The following DNAH6 variants were observed in gnomAD, a reference collection of about 807,000 sequenced individuals.
DNAH6 encodes dynein axonemal heavy chain 6, also known as axonemal beta dynein heavy chain 6.
A neutral mutation model predicts 491.4 loss-of-function variants in DNAH6; 340 were observed. The ratio of observed to expected loss-of-function variants is 0.69; its 90% CI spans 0.63 to 0.76. The LOEUF is 0.76. Ranked by LOEUF, DNAH6 falls within the 30% of genes least tolerant of loss-of-function variation. The pLI is 0.00. For synonymous variants in DNAH6, 1,603 were observed against 1,686.1 expected, an observed-to-expected ratio of 0.95 and a Z score of 1.21; for missense variants, 4,443 against 4,972.2, an observed-to-expected ratio of 0.89 and a Z score of 3.20.
intron 64 of DNAH6, among the ~76,000 whole-genome samples, chr2:84,767,655 T>C (rs899250337): frequency 2.0e-5 from 3 of 151,872 alleles, no homozygotes; most frequent in African/African-American, 7.3e-5. Flanking sequence ...ATAGAAAAGA[T>C]GGAAGAGAAG....
At position 84,517,965 on chromosome 2, in the gene DNAH6, G is replaced by T; in HGVS notation, c.139G>T (p.Asp47Tyr). 1.9e-6 allele frequency: 3 copies of T among 1,551,046 alleles called. No individual in the cohort carries two copies. Among genetic ancestry groups the T allele is most frequent in the Non-Finnish European group, 2.6e-6 (3 of 1,146,546 alleles). ...TGTGACATCCACAGAAAATGAATCT[G>T]ATACACAAATCCTAACGTTTAGGCA... ...SYVTSTENES[D>Y]TQILTFRHIT... Residue 47 changes from aspartate to tyrosine, a missense_variant, in exon 2 of 77, where the codon GAT becomes TAT. Transcript: ENST00000389394.
intron 11 of DNAH6, among the ~76,000 whole-genome samples, chr2:84,560,454 CT>C (rs201362465): frequency 0.053 from 6,881 of 130,932 alleles, 248 homozygotes; most frequent in Middle Eastern, 0.11. Context: ...TTTTTTTTTT[CT>C]TTTTTTTTTT....
intron 32 of DNAH6, 119 bp downstream of exon 32, chr2:84,640,697 T>C (rs1179625579): frequency 7.1e-6 from 7 of 987,540 alleles, no homozygotes; most frequent in Non-Finnish European, 1.0e-5. Flanking sequence ...CTGCTGCTGT[T>C]GTCATCATTC....
At chr2:84,736,517 C>T (rs373735407) in intron 62 of DNAH6, among the ~76,000 whole-genome samples, 26 of 152,102 alleles carry the variant, frequency 1.7e-4, no homozygotes, top group South Asian at 4.2e-4. Context: ...TCCTTTCTTT[C>T]GGCAATGTTT....
At chr2:84,769,023 G>A (rs1165733282) in intron 64 of DNAH6, among the ~76,000 whole-genome samples, 1 of 152,220 alleles carries the variant, frequency 6.6e-6, no homozygotes, top group African/African-American at 2.4e-5. Context: ...AACTCTACTT[G>A]TTATATAACC....
rs202006615 is a variant in DNAH6, at chr2:84,706,843, C to A, written c.8728-53C>A. 24 of 1,504,132 alleles carry A rather than the reference C, an allele frequency of 1.6e-5. No individual in the cohort carries two copies. The Middle Eastern group carries it at 1.1e-3, about 68-fold the overall frequency. 93.2% of individuals were successfully genotyped at this position (1,504,132 alleles called of 1,614,324 possible). A position where few individuals can be genotyped will look rare whatever the true frequency, so the allele number is the denominator to read the frequency against. The stretch of plus-strand genomic sequence containing the variant: ...TTTTTAGATCTGTATTATTAATGGG[C>A]AAATTCAGCCTTTTTTTGGCCCTGT... On this transcript the variant is annotated intron_variant, in intron 52 of 76. Transcript: ENST00000389394.
At chr2:84,599,029 CAAAAAAAAAA>C (rs35322585) in intron 18 of DNAH6, among the ~76,000 whole-genome samples, 3 of 118,244 alleles carry the variant, frequency 2.5e-5, no homozygotes, top group African/African-American at 3.1e-5. Flanking sequence ...GACTCAGTTT[CAAAAAAAAAA>C]AAAAAAAAAA....
At chr2:84,775,051 G>C (rs1340692291) in intron 64 of DNAH6, among the ~76,000 whole-genome samples, 1 of 152,106 alleles carries the variant, frequency 6.6e-6, no homozygotes, top group Non-Finnish European at 1.5e-5. Flanking sequence ...TGTTAAAAAG[G>C]AGTGATGAGA....
At chr2:84,688,650 G>C in intron 45 of DNAH6, 57 bp downstream of exon 45, 1 of 1,402,256 alleles carries the variant, frequency 7.1e-7, no homozygotes, top group East Asian at 2.8e-5. Flanking sequence ...TGTATTAAAG[G>C]GTAAAAAAAT....
intron 64 of DNAH6, among the ~76,000 whole-genome samples, chr2:84,767,121 A>G (rs1287867612): frequency 6.6e-6 from 1 of 152,230 alleles, no homozygotes; most frequent in Non-Finnish European, 1.5e-5. Context: ...AGCACAGAGT[A>G]TCCTGATAAT....
Position 84,699,132 on chromosome 2 carries a change from G to A in DNAH6, c.7678-462G>A, listed in dbSNP as rs144264833. 1.4e-4 allele frequency among the ~76,000 whole-genome samples: 21 copies of A among 151,806 alleles called. No individual in the cohort carries two copies. In the East Asian group the frequency reaches 2.3e-3, roughly 17 times the overall value. On this transcript the variant is annotated intron_variant, in intron 47 of 76. Transcript: ENST00000389394. The stretch of plus-strand genomic sequence containing the variant: ...GTCATACTCCAAACCCCAGCATCAC[G>A]CAATATATCTTTGTAACAAACCTAC...
Position 84,525,704 on chromosome 2 carries a change from T to G in DNAH6, c.365T>G (p.Phe122Cys). 1 of 1,545,980 alleles carries G rather than the reference T, an allele frequency of 6.5e-7. No homozygotes were observed. The highest frequency in any genetic ancestry group is 8.7e-7 in the Non-Finnish European group (1 of 1,145,180). ...AGTTTTGCCACATCATCTACTCAGT[T>G]TCTTGAGCATCAAGATGCTGTGAAA... ...KKSFATSSTQ[F>C]LEHQDAVKKM... The change falls in exon 3 of 77, where the codon TTT becomes TGT. Residue 122 changes from phenylalanine to cysteine, a missense_variant. Phe to Cys is a radical substitution (Grantham distance 205, BLOSUM62 -2). Transcript: ENST00000389394.
chr2:84,610,608 T>G (rs1445045794), intron 21 of DNAH6, among the ~76,000 whole-genome samples: 2 of 152,224 alleles, frequency 1.3e-5, no homozygotes. Flanking sequence ...AATCTCATTT[T>G]GTTCCCATCC....
chr2:84,712,176 T>A (rs1247454009), intron 56 of DNAH6, among the ~76,000 whole-genome samples: 1 of 152,242 alleles, frequency 6.6e-6, no homozygotes, highest in Non-Finnish European at 1.5e-5. Flanking sequence ...TTCATGAGTA[T>A]GAAATCAGTT....
chr2:84,577,504 C>T (rs1558743134), intron 13 of DNAH6, 96 bp downstream of exon 13: 4 of 875,516 alleles, frequency 4.6e-6, no homozygotes, highest in Non-Finnish European at 6.5e-6. Flanking sequence ...TATAGTATTG[C>T]AAATATAAAA....
In DNAH6 at chr2:84,611,781, G is replaced by A; in HGVS notation, c.3402G>A (p.Val1134=). ...CAGAGGCCAAGATGTTCCTTCAGGTGGATAAGTCATGGAAAGAAATCATGA... is the reference window on the plus strand; with the variant it reads ...CAGAGGCCAAGATGTTCCTTCAGGTAGATAAGTCATGGAAAGAAATCATGA... ...LPAEAKMFLQ[V]DKSWKEIMRK... is the part of the protein sequence containing the mutation. The change falls in exon 22 of 77, where the codon GTG becomes GTA. Residue 1134 remains valine (V), a synonymous_variant. Transcript: ENST00000389394. 6.4e-7 allele frequency: 1 copy of A among 1,551,244 alleles called. No homozygotes were observed. Among genetic ancestry groups the A allele is most frequent in the Non-Finnish European group, 8.7e-7 (1 of 1,146,694 alleles).
At chr2:84,632,573 C>T (rs1333893971) in intron 29 of DNAH6, among the ~76,000 whole-genome samples, 4 of 152,178 alleles carry the variant, frequency 2.6e-5, no homozygotes, top group Admixed American at 6.5e-5. Flanking sequence ...GAAGTCTCCA[C>T]GTATGCCAGG....
At chr2:84,697,424 C>T in intron 46 of DNAH6, 151 bp from the exon 47 acceptor site, 1 of 805,508 alleles carries the variant, frequency 1.2e-6, no homozygotes, top group Non-Finnish European at 1.9e-6. Flanking sequence ...AGTGTACTTG[C>T]TATGTTAGAA....
intron 46 of DNAH6, among the ~76,000 whole-genome samples, chr2:84,695,367 A>C (rs1695279114): frequency 6.6e-6 from 1 of 152,134 alleles, no homozygotes; most frequent in Non-Finnish European, 1.5e-5. Flanking sequence ...CAGAGTTGGC[A>C]GAGGTGTGGG....
Sources: allele counts gnomAD v4.1 joint callset (sites outside exome capture counted in the v4.1 genomes callset), GRCh38; gene constraint gnomAD v4.1.1; transcripts MANE v1.5; gene names NCBI Gene and HGNC (gene_info 2026-07-23, HGNC 2026-07-21).